The following EYA4 variants were observed in gnomAD, a reference collection of about 807,000 sequenced individuals.
EYA4 encodes the protein protein phosphatase EYA4.
Under a neutral mutation model 87.9 loss-of-function variants are expected in EYA4, and 31 were observed. That is an observed-to-expected ratio of 0.35 (90% CI 0.27 to 0.48). The LOEUF (loss-of-function observed/expected upper bound fraction) is 0.48. EYA4 is among the 20% of genes least tolerant of loss of function. The pLI is 0.99. For missense variants in EYA4, 678 were observed against 761.4 expected (o/e 0.89, Z 1.29); for synonymous variants, 263 against 270.6 (o/e 0.97, Z 0.28).
chr6:133,503,394 T>C (rs1456853416), intron 13 of EYA4, among the ~76,000 whole-genome samples: 2 of 152,206 alleles, frequency 1.3e-5, no homozygotes, highest in Non-Finnish European at 2.9e-5. Context: ...AATCATAGGA[T>C]AAGAGCCTAA....
At chr6:133,337,125 G>A (rs931565734) in intron 2 of EYA4, among the ~76,000 whole-genome samples, 1 of 152,214 alleles carries the variant, frequency 6.6e-6, no homozygotes, top group Non-Finnish European at 1.5e-5. Context: ...CTGAGTCTCA[G>A]TTTGTGGATA....
intron 3 of EYA4, among the ~76,000 whole-genome samples, chr6:133,407,554 T>G (rs1404270407): frequency 2.0e-5 from 3 of 152,110 alleles, no homozygotes; most frequent in Non-Finnish European, 4.4e-5. Context: ...CCCCTCACTT[T>G]TGAATAATCC....
intron 2 of EYA4, among the ~76,000 whole-genome samples, chr6:133,360,830 A>G (rs1188393942): frequency 2.6e-5 from 4 of 152,180 alleles, no homozygotes; most frequent in African/African-American, 7.2e-5. Flanking sequence ...CTCTTATCCC[A>G]TACACCCATA....
chr6:133,352,026 CT>C (rs1357427851), intron 2 of EYA4, among the ~76,000 whole-genome samples: 3 of 151,424 alleles, frequency 2.0e-5, no homozygotes, highest in African/African-American at 7.3e-5. Context: ...TATTGAATCT[CT>C]TCTTTATTTA....
intron 2 of EYA4, among the ~76,000 whole-genome samples, chr6:133,314,322 A>G (rs1354742304): frequency 1.3e-5 from 2 of 152,192 alleles, no homozygotes; most frequent in African/African-American, 4.8e-5. Flanking sequence ...TTCAGTTTAC[A>G]TTGTTAATTT....
chr6:133,518,965 C>T (rs4398756), intron 17 of EYA4, among the ~76,000 whole-genome samples: 82 of 150,548 alleles, frequency 5.4e-4, no homozygotes, highest in Non-Finnish European at 1.1e-3. Flanking sequence ...AAAGACACAA[C>T]ATACCAGAAT....
chr6:133,259,553 G>C (rs1336094902), intron 1 of EYA4, among the ~76,000 whole-genome samples: 1 of 152,072 alleles, frequency 6.6e-6, no homozygotes, highest in Non-Finnish European at 1.5e-5. Context: ...GAGGAAAAAG[G>C]GTACTCAAAC....
intron 13 of EYA4, among the ~76,000 whole-genome samples, chr6:133,487,265 A>T (rs989407340): frequency 7.2e-5 from 11 of 152,220 alleles, no homozygotes; most frequent in African/African-American, 2.7e-4. Flanking sequence ...CATCACCACC[A>T]TGGGATAAAG....
intron 1 of EYA4, among the ~76,000 whole-genome samples, chr6:133,271,112 C>G (rs1295719672): frequency 6.6e-6 from 1 of 152,148 alleles, no homozygotes; most frequent in African/African-American, 2.4e-5. Flanking sequence ...GCCACTTCCA[C>G]TTCCACCCTT....
chr6:133,311,647 C>T (rs1780226901), intron 2 of EYA4, among the ~76,000 whole-genome samples: 1 of 152,168 alleles, frequency 6.6e-6, no homozygotes. Context: ...ACATCTACCT[C>T]ACCTCCAAAG....
At chr6:133,331,610 C>A (rs1004415939) in intron 2 of EYA4, among the ~76,000 whole-genome samples, 1 of 152,088 alleles carries the variant, frequency 6.6e-6, no homozygotes, top group Non-Finnish European at 1.5e-5. Context: ...AAGAAAGGAC[C>A]TAGTTTACTG....
At position 133,367,962 on chromosome 6, in the gene EYA4, ATGTT is replaced by A. The variant is rs1784980880; in HGVS notation, c.34-14425_34-14422del. Among the ~76,000 whole-genome samples, 3 of 151,476 alleles carry A rather than the reference ATGTT, an allele frequency of 2.0e-5. No homozygotes were observed. The South Asian group carries it at 6.2e-4, about 32-fold the overall frequency. On this transcript the variant is annotated intron_variant, in intron 2 of 19. Coordinates refer to ENST00000355286, the MANE Select transcript of EYA4 (RefSeq NM_004100.5). ...CTGGCACTCTGAGATGGAAACCTCT[ATGTT>A]TGTTCCCAGGTCACATAATTAATTG...
At chr6:133,454,638 A>T (rs1348170887) in intron 5 of EYA4, among the ~76,000 whole-genome samples, 1 of 152,180 alleles carries the variant, frequency 6.6e-6, no homozygotes, top group African/African-American at 2.4e-5. Context: ...AAGTGCCTGG[A>T]ATGTATCAAG....
intron 19 of EYA4, among the ~76,000 whole-genome samples, chr6:133,525,737 G>A (rs1407970587): frequency 1.3e-5 from 2 of 152,130 alleles, no homozygotes; most frequent in Non-Finnish European, 2.9e-5. Context: ...AGACCTGCAT[G>A]CCATATGGTC....
chr6:133,306,841 A>G (rs1486079057), intron 2 of EYA4, among the ~76,000 whole-genome samples: 1 of 152,204 alleles, frequency 6.6e-6, no homozygotes, highest in Non-Finnish European at 1.5e-5. Flanking sequence ...CCTCAGTAAG[A>G]ACTTTAAAAA....
At chr6:133,321,154 A>T (rs1157307351) in intron 2 of EYA4, among the ~76,000 whole-genome samples, 1 of 152,128 alleles carries the variant, frequency 6.6e-6, no homozygotes, top group Admixed American at 6.5e-5. Context: ...CTTTGTTAGT[A>T]ATCTGTTTTG....
chr6:133,417,811 A>G (rs936082111), intron 3 of EYA4, among the ~76,000 whole-genome samples: 3 of 152,198 alleles, frequency 2.0e-5, no homozygotes, highest in African/African-American at 7.2e-5. Flanking sequence ...AAAGTCATAA[A>G]TTAGTGTGAG....
intron 2 of EYA4, 74 bp from the exon 3 acceptor site, chr6:133,382,318 G>T: frequency 9.6e-7 from 1 of 1,040,090 alleles, no homozygotes; most frequent in Non-Finnish European, 1.5e-6. Context: ...AGCTATATCC[G>T]CTTTAATAGT....
intron 7 of EYA4, chr6:133,462,068 A>C: frequency 2.1e-6 from 1 of 465,512 alleles, no homozygotes. Flanking sequence ...GAAGAGACAC[A>C]GGTGTAAAAT....
Sources: gnomAD v4.1 joint callset for allele counts (sites outside exome capture counted in the v4.1 genomes callset) on GRCh38, gnomAD v4.1.1 for gene constraint, MANE v1.5 for transcripts, NCBI Gene and HGNC (gene_info 2026-07-23, HGNC 2026-07-21) for gene names.